FOXP1: variants seen among roughly 807,000 people sequenced by gnomAD.
The protein encoded by FOXP1 is forkhead box P1.
FOXP1 carries 15 observed loss-of-function variants against 98.2 expected under a neutral mutation model. That is an observed-to-expected ratio of 0.15 (90% CI 0.10 to 0.24). FOXP1 has a LOEUF of 0.24. Ranked by LOEUF, FOXP1 falls within the 10% of genes least tolerant of loss-of-function variation. The pLI, the probability that FOXP1 is intolerant of heterozygous loss-of-function variation, is 1.00. For synonymous variants in FOXP1, 371 were observed against 314.5 expected (o/e 1.18, Z -1.90); for missense variants, 633 against 848.5 (o/e 0.75, Z 3.15).
chr3:71,011,265 G>C (rs2043569466), intron 12 of FOXP1, among the ~76,000 whole-genome samples: 1 of 152,074 alleles, frequency 6.6e-6, no homozygotes, highest in African/African-American at 2.4e-5. Context: ...TGGTTCACGT[G>C]GGGTGAACAT....
intron 3 of FOXP1, among the ~76,000 whole-genome samples, chr3:71,386,741 C>CAAAAAAAAAAAAAAA (rs5850010): frequency 1.1e-5 from 1 of 90,976 alleles, no homozygotes; most frequent in Non-Finnish European, 2.0e-5. Flanking sequence ...GATTCCGTCT[C>CAAAAAAAAAAAAAAA]AAAAAAAAAA....
intron 5 of FOXP1, among the ~76,000 whole-genome samples, chr3:71,227,855 G>A (rs2065963570): frequency 1.3e-5 from 2 of 152,088 alleles, no homozygotes; most frequent in South Asian, 4.1e-4. Flanking sequence ...GAGGAAGGAG[G>A]AGTGCCTTCT....
intron 4 of FOXP1, among the ~76,000 whole-genome samples, chr3:71,354,436 C>T (rs916609177): frequency 6.6e-6 from 1 of 152,196 alleles, no homozygotes; most frequent in Non-Finnish European, 1.5e-5. Context: ...TCTCAATTTC[C>T]ATGGTTTTCT....
At chr3:71,014,972 C>T (rs1320988276) in intron 12 of FOXP1, among the ~76,000 whole-genome samples, 2 of 150,390 alleles carry the variant, frequency 1.3e-5, no homozygotes, top group Non-Finnish European at 3.0e-5. Flanking sequence ...TGGGGAACAT[C>T]ACACATCAGG....
At chr3:71,158,727 C>CAAAAAAAAAAA (rs71104421) in intron 6 of FOXP1, among the ~76,000 whole-genome samples, 1 of 113,098 alleles carries the variant, frequency 8.8e-6, no homozygotes, top group Non-Finnish European at 1.8e-5. Flanking sequence ...GCCCACAGAC[C>CAAAAAAAAAAA]AAAAAAAAAA....
chr3:71,486,415 A>C (rs895171033), intron 3 of FOXP1, among the ~76,000 whole-genome samples: 28 of 152,180 alleles, frequency 1.8e-4, no homozygotes, highest in Admixed American at 2.0e-4. Flanking sequence ...TACATAGAAT[A>C]TCTGTAGGGA....
intron 3 of FOXP1, among the ~76,000 whole-genome samples, chr3:71,471,258 A>C (rs1013669778): frequency 6.6e-5 from 10 of 151,002 alleles, no homozygotes; most frequent in Non-Finnish European, 1.0e-4. Flanking sequence ...ATATATATAA[A>C]TTATATAGTA....
At chr3:71,404,950 T>C (rs1362678212) in intron 3 of FOXP1, among the ~76,000 whole-genome samples, 1 of 152,058 alleles carries the variant, frequency 6.6e-6, no homozygotes, top group Non-Finnish European at 1.5e-5. Context: ...AACAGGGCAA[T>C]ATGGTTTATC....
chr3:71,178,198 G>A (rs12486945), intron 6 of FOXP1, among the ~76,000 whole-genome samples: 22,833 of 148,594 alleles, frequency 0.15, 2,328 homozygotes, highest in Middle Eastern at 0.31. Context: ...GCAGTGGCGC[G>A]ATCTCAGCTC....
chr3:71,130,012 T>C (rs974193775), intron 6 of FOXP1, among the ~76,000 whole-genome samples: 1 of 152,196 alleles, frequency 6.6e-6, no homozygotes, highest in Non-Finnish European at 1.5e-5. Flanking sequence ...TGGCATGAAA[T>C]TGGTACAAAT....
At position 71,220,525 on chromosome 3, in the gene FOXP1, A is replaced by G. The variant is rs2065280177; in HGVS notation, c.-11-22133T>C. 2.6e-5 allele frequency among the ~76,000 whole-genome samples: 4 copies of G among 152,290 alleles called. No individual in the cohort carries two copies. In the South Asian group the frequency reaches 8.3e-4, roughly 32 times the overall value. On this transcript the variant is annotated intron_variant, in intron 5 of 20. Transcript: ENST00000649528. Reference sequence around the variant, plus strand: ...CACTTTGGGAGGCTGAAGCAGGTGGATCGCCTGAGCTTAGGAGTTTGAGAT... The same window carrying G: ...CACTTTGGGAGGCTGAAGCAGGTGGGTCGCCTGAGCTTAGGAGTTTGAGAT...
intron 3 of FOXP1, among the ~76,000 whole-genome samples, chr3:71,403,845 T>G (rs1295803154): frequency 2.6e-5 from 4 of 151,960 alleles, no homozygotes; most frequent in East Asian, 1.9e-4. Flanking sequence ...AGCAAGACAC[T>G]GCCTCAAAAA....
intron 6 of FOXP1, among the ~76,000 whole-genome samples, chr3:71,144,105 G>T (rs1285968590): frequency 6.6e-6 from 1 of 152,050 alleles, no homozygotes; most frequent in African/African-American, 2.4e-5. Flanking sequence ...AAGTAGTTTG[G>T]GCAAAACCAG....
chr3:71,067,970 A>C (rs558968549), intron 7 of FOXP1, among the ~76,000 whole-genome samples: 1 of 143,584 alleles, frequency 7.0e-6, no homozygotes, highest in Admixed American at 6.8e-5. Flanking sequence ...TCCAAGAGGA[A>C]GCAGATACTG....
intron 11 of FOXP1, among the ~76,000 whole-genome samples, chr3:71,016,166 T>A (rs534845233): frequency 2.6e-5 from 4 of 152,146 alleles, no homozygotes; most frequent in Non-Finnish European, 5.9e-5. Context: ...ACCAAAATAA[T>A]TTAGGAAGAC....
chr3:71,096,175 G>A (rs1290811191), intron 7 of FOXP1, among the ~76,000 whole-genome samples: 1 of 152,216 alleles, frequency 6.6e-6, no homozygotes, highest in Non-Finnish European at 1.5e-5. Context: ...TACCCTAGAA[G>A]AAGGCTAGGG....
At chr3:70,990,975 T>C (rs970639080) in intron 13 of FOXP1, among the ~76,000 whole-genome samples, 1 of 152,180 alleles carries the variant, frequency 6.6e-6, no homozygotes, top group Non-Finnish European at 1.5e-5. Context: ...AGGGGTGTTC[T>C]GAAGATCAGA....
chr3:71,198,432 G>GGGGGGGGGGGGGGGCC, intron 5 of FOXP1, 40 bp from the exon 6 acceptor site: 1 of 491,032 alleles, frequency 2.0e-6, no homozygotes, highest in Non-Finnish European at 4.0e-6. Flanking sequence ...GGGAGGGGGG[G>GGGGGGGGGGGGGGGCC]AGAAAAAAAA....
chr3:71,005,336 A>AC (rs1181353438), intron 12 of FOXP1, among the ~76,000 whole-genome samples: 1 of 149,832 alleles, frequency 6.7e-6, no homozygotes, highest in Non-Finnish European at 1.5e-5. Flanking sequence ...AAAAAAAAAA[A>AC]AAAAACCAGA....
Sources: allele counts gnomAD v4.1 joint callset (sites outside exome capture counted in the v4.1 genomes callset), GRCh38; gene constraint gnomAD v4.1.1; transcripts MANE v1.5; gene names NCBI Gene and HGNC (gene_info 2026-07-23, HGNC 2026-07-21).